ITCH: variants seen among roughly 807,000 people sequenced by gnomAD.
ITCH encodes the protein itchy E3 ubiquitin protein ligase.
A neutral mutation model predicts 126.8 loss-of-function variants in ITCH; 28 were observed. That is an observed-to-expected ratio of 0.22 (90% CI 0.16 to 0.30). ITCH has a LOEUF of 0.30. ITCH is among the 10% of genes least tolerant of loss of function. The probability of loss-of-function intolerance (pLI) is 1.00; values close to 1 mark genes in which losing one functional copy is unlikely to be tolerated. For missense variants in ITCH, 631 were observed against 1,032.4 expected (o/e 0.61, Z 5.33); for synonymous variants, 342 against 340.0 (o/e 1.01, Z -0.06).
At chr20:34,470,785 A>C (rs1044563397) in intron 15 of ITCH, among the ~76,000 whole-genome samples, 6 of 151,960 alleles carry the variant, frequency 3.9e-5, no homozygotes, top group South Asian at 2.1e-4. Context: ...GGGTCCCCTT[A>C]TGTTGCCCAG....
At chr20:34,405,456 G>A (rs893208810) in intron 3 of ITCH, among the ~76,000 whole-genome samples, 3 of 151,954 alleles carry the variant, frequency 2.0e-5, no homozygotes, top group African/African-American at 4.8e-5. Context: ...AATGAGCTAA[G>A]ATTGTGCCAT....
chr20:34,487,012 G>GTTTT (rs34815799), intron 20 of ITCH, among the ~76,000 whole-genome samples: 57 of 107,814 alleles, frequency 5.3e-4, no homozygotes, highest in Middle Eastern at 7.7e-3. Context: ...TATTTGTTAG[G>GTTTT]TTTTTTTTTT....
chr20:34,467,745 G>T (rs1987220655), intron 14 of ITCH, among the ~76,000 whole-genome samples: 1 of 129,924 alleles, frequency 7.7e-6, no homozygotes, highest in Non-Finnish European at 1.5e-5. Context: ...GAGTGCAATA[G>T]CCCAATCTCG....
intron 2 of ITCH, among the ~76,000 whole-genome samples, chr20:34,380,562 A>C (rs2038018526): frequency 7.5e-6 from 1 of 132,766 alleles, no homozygotes; most frequent in Non-Finnish European, 1.6e-5. Context: ...TGCAGATTTT[A>C]TCTCCTAGCC....
chr20:34,400,251 G>T (rs544232140), intron 3 of ITCH, among the ~76,000 whole-genome samples: 1 of 151,764 alleles, frequency 6.6e-6, no homozygotes, highest in Non-Finnish European at 1.5e-5. Context: ...ATTTTTTTTT[G>T]TAGAAACAAG....
chr20:34,476,372 TGGCTCCAGCGCGG>T, intron 16 of ITCH: 1 of 1,336,194 alleles, frequency 7.5e-7, no homozygotes, highest in Non-Finnish European at 9.7e-7. Flanking sequence ...AGCAGGCCGC[TGGCTCCAGCGCGG>T]GACCCGGCGT....
intron 13 of ITCH, 61 bp from the exon 14 acceptor site, chr20:34,462,032 G>A (rs918917942): frequency 2.6e-6 from 4 of 1,530,872 alleles, no homozygotes; most frequent in African/African-American, 2.7e-5. Context: ...TGTAGCTTCT[G>A]TACTTGGCAA....
chr20:34,400,646 CTTT>C (rs760416482), intron 3 of ITCH, among the ~76,000 whole-genome samples: 1 of 120,020 alleles, frequency 8.3e-6, no homozygotes. Context: ...AAAAATTTTT[CTTT>C]TTTTTTTTTT....
Position 34,477,823 on chromosome 20 carries a change from C to G in ITCH, c.1621C>G (p.Pro541Ala). Residue 541 changes from proline (P) to alanine (A), a missense_variant, in exon 17 of 25, where the codon CCA becomes GCA. Pro to Ala is a conservative substitution (Grantham distance 27). This residue lies in a region of ITCH where 390 missense variants were observed against 731.6 expected (regional missense o/e 0.53). Coordinates refer to ENST00000374864, the MANE Select transcript of ITCH (RefSeq NM_031483.7). ...GCGAAGACGTTTGTGGGTGATTTTT[C>G]CAGGAGAAGAAGGTTTAGATTATGG... ...DLRRRLWVIF[P>A]GEEGLDYGGV... 6.2e-7 allele frequency: 1 copy of G among 1,613,312 alleles called. No homozygotes were observed. Among genetic ancestry groups the G allele is most frequent in the Non-Finnish European group, 8.5e-7 (1 of 1,179,478 alleles).
chr20:34,379,682 C>T (rs1030215529), intron 2 of ITCH, among the ~76,000 whole-genome samples: 3 of 151,482 alleles, frequency 2.0e-5, no homozygotes, highest in African/African-American at 7.3e-5. Flanking sequence ...GCAACCTCCG[C>T]CTCCTGGGTT....
chr20:34,488,637 T>G (rs1189342908), intron 20 of ITCH, among the ~76,000 whole-genome samples: 1 of 151,488 alleles, frequency 6.6e-6, no homozygotes, highest in Non-Finnish European at 1.5e-5. Flanking sequence ...TGACTGAACC[T>G]GGAAGGTGGA....
intron 14 of ITCH, among the ~76,000 whole-genome samples, chr20:34,465,651 T>C (rs1393888811): frequency 6.6e-6 from 1 of 152,132 alleles, no homozygotes; most frequent in Admixed American, 6.5e-5. Context: ...TTCCTAAGTA[T>C]TTTTTATTCT....
intron 12 of ITCH, among the ~76,000 whole-genome samples, chr20:34,456,656 A>AAG: frequency 7.0e-6 from 1 of 143,414 alleles, no homozygotes; most frequent in African/African-American, 2.5e-5. Context: ...ATATATATAT[A>AAG]TATGTGTGTG....
chr20:34,377,791 C>T (rs897971828), intron 2 of ITCH, among the ~76,000 whole-genome samples: 3 of 151,192 alleles, frequency 2.0e-5, no homozygotes, highest in Non-Finnish European at 4.4e-5. Context: ...TACCTGGTCC[C>T]GGGAGGTCAA....
intron 13 of ITCH, 45 bp from the exon 14 acceptor site, chr20:34,462,048 C>T (rs761346914): frequency 1.3e-6 from 2 of 1,596,692 alleles, no homozygotes; most frequent in East Asian, 4.5e-5. Flanking sequence ...GGCAAACAAG[C>T]AACTCTTTAA....
At position 34,382,631 on chromosome 20, in the gene ITCH, C is replaced by T. The variant is rs181302685; in HGVS notation, c.-21-11160C>T. Reference sequence around the variant, plus strand: ...CCATGTTGGCCAGGCTGGTCTTGAACTCCTGACCACAAGTGATCCACCTGC... The same window carrying T: ...CCATGTTGGCCAGGCTGGTCTTGAATTCCTGACCACAAGTGATCCACCTGC... On this transcript the variant is annotated intron_variant, in intron 2 of 24. Coordinates refer to ENST00000374864, the MANE Select transcript of ITCH (RefSeq NM_031483.7). Among the ~76,000 whole-genome samples, 23 of 152,104 alleles carry T rather than the reference C, an allele frequency of 1.5e-4. No homozygotes were observed. In the East Asian group the frequency reaches 4.4e-3, roughly 29 times the overall value.
chr20:34,412,456 A>G, intron 4 of ITCH, 59 bp from the exon 5 acceptor site: 2 of 1,279,662 alleles, frequency 1.6e-6, no homozygotes, highest in East Asian at 2.4e-5. Flanking sequence ...TAATTTATTT[A>G]GGATCTCATT....
intron 24 of ITCH, 112 bp from the exon 25 acceptor site, chr20:34,507,583 G>A: frequency 1.2e-6 from 1 of 807,806 alleles, no homozygotes; most frequent in Non-Finnish European, 2.1e-6. Context: ...ATCCTTTGAA[G>A]CACAGTAGTA....
chr20:34,373,880 CA>C (rs113719755), intron 2 of ITCH, among the ~76,000 whole-genome samples: 28 of 151,290 alleles, frequency 1.9e-4, no homozygotes, highest in Admixed American at 1.1e-3. Context: ...TACAAGAGAA[CA>C]TTTTTTTTTT....
Sources: gnomAD v4.1 joint callset for allele counts (sites outside exome capture counted in the v4.1 genomes callset) on GRCh38, gnomAD v4.1.1 for gene constraint, gnomAD v4.1.1 regional missense constraint, MANE v1.5 for transcripts, NCBI Gene and HGNC (gene_info 2026-07-23, HGNC 2026-07-21) for gene names.